SV2C: variants seen among roughly 807,000 people sequenced by gnomAD.
SV2C encodes solute carrier family 22 member B3.
A neutral mutation model predicts 79.7 loss-of-function variants in SV2C; 49 were observed. The observed-to-expected ratio is 0.61, with a 90% CI of 0.49 to 0.78. SV2C has a LOEUF of 0.78. SV2C is among the 30% of genes least tolerant of loss of function. SV2C has a pLI of 0.00. For missense variants in SV2C, 833 were observed against 912.9 expected (o/e 0.91, Z 1.13); for synonymous variants, 334 against 333.2 (o/e 1.00, Z -0.03).
chr5:76,165,825 C>A (rs1021725184), intron 2 of SV2C, among the ~76,000 whole-genome samples: 4 of 152,074 alleles, frequency 2.6e-5, no homozygotes, highest in Non-Finnish European at 5.9e-5. Context: ...TCAAACAAGG[C>A]AAGGTTGGGG....
chr5:76,027,059 C>CTT, the SV2C span, among the ~76,000 whole-genome samples: 489 of 122,172 alleles, frequency 4.0e-3, 15 homozygotes, highest in African/African-American at 0.012. Context: ...TTTCAGTTGT[C>CTT]TTTTTTTTTT....
At chr5:76,177,391 C>T (rs1482683885) in intron 2 of SV2C, among the ~76,000 whole-genome samples, 1 of 151,522 alleles carries the variant, frequency 6.6e-6, no homozygotes, top group Non-Finnish European at 1.5e-5. Flanking sequence ...CCTATATATA[C>T]TGTTTTTTCA....
At chr5:76,346,647 A>G (rs1749550181) in intron 12 of SV2C, among the ~76,000 whole-genome samples, 1 of 152,226 alleles carries the variant, frequency 6.6e-6, no homozygotes, top group South Asian at 2.1e-4. Flanking sequence ...ATGCATGTAT[A>G]TATTTTGTTT....
chr5:76,272,855 TTTG>T (rs1181986508), intron 4 of SV2C, among the ~76,000 whole-genome samples: 4 of 152,152 alleles, frequency 2.6e-5, no homozygotes, highest in Non-Finnish European at 4.4e-5. Flanking sequence ...GCATAATTGA[TTTG>T]TTATTATTCA....
At chr5:76,067,131 C>A in the SV2C span, among the ~76,000 whole-genome samples, 2 of 152,106 alleles carry the variant, frequency 1.3e-5, no homozygotes, top group African/African-American at 4.8e-5. Context: ...AAGATATTGT[C>A]ACTTTGAGTT....
In SV2C at chr5:76,318,050, G is replaced by T. The variant is rs116065001; in HGVS notation, c.2001-7314G>T. ...TAAAGACAGAAAAATCCACAAAGAG[G>T]CTGGATGTGAGGACAAAATTATCCT... On this transcript the variant is annotated intron_variant, in intron 12 of 12. Coordinates refer to ENST00000502798, the MANE Select transcript of SV2C (RefSeq NM_014979.4). 4.9e-3 allele frequency among the ~76,000 whole-genome samples: 740 copies of T among 151,836 alleles called. 5 individuals are homozygous for T. Among genetic ancestry groups the T allele is most frequent in the African/African-American group, 0.017 (706 of 41,426 alleles).
the SV2C span, among the ~76,000 whole-genome samples, chr5:75,898,676 T>G: frequency 0.025 from 3,753 of 152,208 alleles, 151 homozygotes; most frequent in African/African-American, 0.086. Flanking sequence ...TGGTAGAATT[T>G]GGCTGTGAAT....
At chr5:75,920,866 A>T in the SV2C span, 1 of 759,538 alleles carries the variant, frequency 1.3e-6, no homozygotes, top group Non-Finnish European at 2.5e-6. Context: ...ATCTTATTGT[A>T]ATGGGCTGGG....
At chr5:76,231,449 T>TA (rs1745417328) in intron 4 of SV2C, among the ~76,000 whole-genome samples, 1 of 151,990 alleles carries the variant, frequency 6.6e-6, no homozygotes, top group Admixed American at 6.5e-5. Context: ...TATTTTTTTT[T>TA]ATTATACTTT....
downstream of SV2C, among the ~76,000 whole-genome samples, chr5:76,334,398 G>T (rs190584834): frequency 6.6e-6 from 1 of 152,274 alleles, no homozygotes; most frequent in Admixed American, 6.5e-5. Flanking sequence ...TCCCGTGACT[G>T]CATTTAACAG....
At chr5:76,277,755 C>CAAAA (rs35556822) in intron 4 of SV2C, among the ~76,000 whole-genome samples, 10 of 108,356 alleles carry the variant, frequency 9.2e-5, no homozygotes, top group African/African-American at 2.9e-4. Flanking sequence ...AGACCTGTCT[C>CAAAA]AAAAAAAAAA....
chr5:76,270,728 G>A (rs547658689), intron 4 of SV2C, among the ~76,000 whole-genome samples: 2 of 151,684 alleles, frequency 1.3e-5, no homozygotes, highest in South Asian at 2.1e-4. Context: ...ACAGAAAGGT[G>A]TTTCATTTTT....
chr5:76,120,038 G>A (rs141263128), intron 1 of SV2C, among the ~76,000 whole-genome samples: 1 of 152,236 alleles, frequency 6.6e-6, no homozygotes, highest in East Asian at 1.9e-4. Context: ...GAAATATTAA[G>A]TGCATGAGGT....
chr5:75,859,790 T>C, the SV2C span, among the ~76,000 whole-genome samples: 1 of 152,186 alleles, frequency 6.6e-6, no homozygotes, highest in East Asian at 1.9e-4. Context: ...AGATCTTAAG[T>C]AGTTTAGACA....
At chr5:75,897,927 A>G in the SV2C span, among the ~76,000 whole-genome samples, 2 of 151,888 alleles carry the variant, frequency 1.3e-5, no homozygotes, top group Non-Finnish European at 1.5e-5. Flanking sequence ...TTGTATCCTG[A>G]GACTTTGCTG....
the SV2C span, among the ~76,000 whole-genome samples, chr5:75,852,215 A>T: frequency 6.6e-6 from 1 of 152,164 alleles, no homozygotes; most frequent in Non-Finnish European, 1.5e-5. Context: ...CCTAATATAG[A>T]TGATGAGTTG....
chr5:76,301,542 GGA>G lies in SV2C; in HGVS notation c.1999_2000del (p.Arg667GlyfsTer53). On this transcript the variant is annotated frameshift_variant and splice_region_variant, in exon 12 of 13. Transcript: ENST00000502798. LOFTEE classifies it high-confidence loss of function. ...ACTGTGGAACTGTACCCCACAGACC[GGA>G]GGTATGTTGAAATGGGCCTCTAGTA... The G allele has an allele frequency of 6.2e-7, 1 of 1,611,930 alleles. No homozygotes were observed. Among genetic ancestry groups the G allele is most frequent in the Non-Finnish European group, 8.5e-7 (1 of 1,178,778 alleles).
chr5:76,108,615 G>A (rs940052442), intron 1 of SV2C, among the ~76,000 whole-genome samples: 6 of 152,186 alleles, frequency 3.9e-5, no homozygotes, highest in African/African-American at 7.2e-5. Flanking sequence ...ATAAATACCC[G>A]TATTCCATCG....
chr5:76,292,895 ATACTC>A (rs1747611354), intron 8 of SV2C, among the ~76,000 whole-genome samples: 3 of 152,214 alleles, frequency 2.0e-5, no homozygotes, highest in Admixed American at 6.5e-5. Context: ...AAATTAGATA[ATACTC>A]TACACTTTCA....
Sources: gnomAD v4.1 joint callset for allele counts (sites outside exome capture counted in the v4.1 genomes callset) on GRCh38, gnomAD v4.1.1 for gene constraint, MANE v1.5 for transcripts, NCBI Gene and HGNC (gene_info 2026-07-23, HGNC 2026-07-21) for gene names.